Variants in LYNX1 observed in about 807,000 individuals in gnomAD.
LYNX1 encodes Ly6/neurotoxin 1.
LYNX1 carries 8 observed loss-of-function variants against 8.3 expected under a neutral mutation model. The ratio of observed to expected loss-of-function variants is 0.97; its 90% CI spans 0.57 to 1.74. The LOEUF (loss-of-function observed/expected upper bound fraction) is 1.74, where lower values mean the gene tolerates loss of function less well. LYNX1 is among the 40% of genes most tolerant of loss of function. LYNX1 has a pLI of 0.00. For synonymous variants in LYNX1, 73 were observed against 67.9 expected, an observed-to-expected ratio of 1.08 and a Z score of -0.37; for missense variants, 158 against 159.7, an observed-to-expected ratio of 0.99 and a Z score of 0.06.
chr8:142,774,712 G>GATA lies in LYNX1; in HGVS notation c.*454_*455insTAT. 1 of 1,006,986 alleles carries GATA rather than the reference G, an allele frequency of 9.9e-7. No individual in the cohort carries two copies. Among genetic ancestry groups the GATA allele is most frequent in the Non-Finnish European group, 1.2e-6 (1 of 843,330 alleles). 62.4% of individuals were successfully genotyped at this position (1,006,986 alleles called of 1,614,324 possible). On this transcript the variant is annotated 3_prime_UTR_variant, in exon 4 of 4. Coordinates refer to ENST00000652477, the MANE Select transcript of LYNX1 (RefSeq NM_177477.4). Reference sequence around the variant, plus strand: ...CTGGCCTCAGTAGGAAGCGTGACTAGGCCTGGAGGAGCCTTTCCTCCTAAG... The same window carrying GATA: ...CTGGCCTCAGTAGGAAGCGTGACTAGATAGCCTGGAGGAGCCTTTCCTCCTAAG...
At position 142,775,309 on chromosome 8, in the gene LYNX1, T is replaced by G. The variant is rs755248294; in HGVS notation, c.209A>C (p.Glu70Ala). The stretch of plus-strand genomic sequence containing the variant: ...CTTGGAGTAGCCATCATACACAGTC[T>G]CGAAGCAGCGGGGCACGCAGGACTT... ...VSKSCVPRCFETVYDGYSKHA... is the reference protein window; with the variant it reads ...VSKSCVPRCFATVYDGYSKHA... The change falls in exon 4 of 4, where the codon GAG becomes GCG. Residue 70 changes from glutamate (E) to alanine (A), a missense_variant. Transcript: ENST00000652477. 1.3e-5 allele frequency: 21 copies of G among 1,613,718 alleles called. No homozygotes were observed. The highest frequency in any genetic ancestry group is 1.2e-4 in the South Asian group (11 of 91,082).
At position 142,775,819 on chromosome 8, in the gene LYNX1, G is replaced by C. The variant is rs587675351; in HGVS notation, c.52+87C>G. 3.4e-4 allele frequency: 541 copies of C among 1,579,906 alleles called. 1 individual carries two copies. Among genetic ancestry groups the C allele is most frequent in the Non-Finnish European group, 4.2e-4 (485 of 1,152,572 alleles). On this transcript the variant is annotated intron_variant, in intron 2 of 3. Coordinates refer to ENST00000652477, the MANE Select transcript of LYNX1 (RefSeq NM_177477.4). ...CAGGGGGCTAGAAGGAGGGGTTGTCGCTGGGAATTCTAGCCTCCTTCCCTA... is the reference window on the plus strand; with the variant it reads ...CAGGGGGCTAGAAGGAGGGGTTGTCCCTGGGAATTCTAGCCTCCTTCCCTA...
At chr8:142,777,355 G>A (rs1366364839), upstream of LYNX1, 2 of 170,542 alleles carry the variant, frequency 1.2e-5, no homozygotes, top group African/African-American at 4.9e-5. Context: ...CCCGAGCCGA[G>A]CTCACCGCAG....
chr8:142,771,898 G>T lies in LYNX1; in HGVS notation c.*3269C>A. The T allele has an allele frequency of 5.1e-6, 5 of 985,974 alleles. No individual in the cohort carries two copies. The highest frequency in any genetic ancestry group is 6.0e-6 in the Non-Finnish European group (5 of 830,036). 61.1% of individuals were successfully genotyped at this position (985,974 alleles called of 1,614,324 possible). On this transcript the variant is annotated 3_prime_UTR_variant, in exon 4 of 4. Coordinates refer to ENST00000652477, the MANE Select transcript of LYNX1 (RefSeq NM_177477.4). ...AGGACAGACCAGAGCTCCTGCTGGA[G>T]CCGGGTGTCCCCATGCTGACCTGGC...
Position 142,775,938 on chromosome 8 carries a change from A to G in LYNX1, c.20T>C (p.Leu7Pro). The G allele has an allele frequency of 1.2e-6, 2 of 1,614,118 alleles. No homozygotes were observed. Among genetic ancestry groups the G allele is most frequent in the Non-Finnish European group, 1.7e-6 (2 of 1,180,016 alleles). Residue 7 changes from leucine (L) to proline (P), a missense_variant, in exon 2 of 4, where the codon CTG (leucine) becomes CCG (proline). Coordinates refer to ENST00000652477, the MANE Select transcript of LYNX1 (RefSeq NM_177477.4). MTPLLT[L>P]ILVVLMGLPL... ...TAAGCCCATGAGGACCACCAGGATC[A>G]GGGTGAGCAGGGGCGTCATGGCTGC...
At chr8:142,777,634 C>T, upstream of LYNX1, 1 of 395,608 alleles carries the variant, frequency 2.5e-6, no homozygotes, top group Non-Finnish European at 4.5e-6. Flanking sequence ...CAGGCCTCGG[C>T]CCGGACCCGT....
chr8:142,774,551 G>GGA lies in LYNX1; in HGVS notation c.*615_*616insTC. 1 of 985,716 alleles carries GGA rather than the reference G, an allele frequency of 1.0e-6. No individual in the cohort carries two copies. Among genetic ancestry groups the GGA allele is most frequent in the Non-Finnish European group, 1.2e-6 (1 of 830,170 alleles). The allele number at this position is 985,716 out of a possible 1,614,324, so 61.1% of individuals were successfully genotyped here. A position where few individuals can be genotyped will look rare whatever the true frequency, so the allele number is the denominator to read the frequency against. Reference sequence around the variant, plus strand: ...AGCTTCTGTGACTTCGGGGGCCCTGGGGCCTGCTGAGGCAGAGCCGCCCCC... The same window carrying GGA: ...AGCTTCTGTGACTTCGGGGGCCCTGGGAGGCCTGCTGAGGCAGAGCCGCCCCC... On this transcript the variant is annotated 3_prime_UTR_variant, in exon 4 of 4. Coordinates refer to ENST00000652477, the MANE Select transcript of LYNX1 (RefSeq NM_177477.4).
At position 142,772,485 on chromosome 8, in the gene LYNX1, G is replaced by A; in HGVS notation, c.*2682C>T. The A allele has an allele frequency of 2.0e-6, 2 of 985,494 alleles. No homozygotes were observed. The highest frequency in any genetic ancestry group is 2.4e-6 in the Non-Finnish European group (2 of 829,946). The allele number at this position is 985,494 out of a possible 1,614,324, so 61.0% of individuals were successfully genotyped here. ...GGGGTCCAAGGAACCCCAGCTGGTGGGAGAAGCGGCTGCACTGTGGTGCAG... is the reference window on the plus strand; with the variant it reads ...GGGGTCCAAGGAACCCCAGCTGGTGAGAGAAGCGGCTGCACTGTGGTGCAG... On this transcript the variant is annotated 3_prime_UTR_variant, in exon 4 of 4. Transcript: ENST00000652477.
At position 142,772,634 on chromosome 8, in the gene LYNX1, T is replaced by C; in HGVS notation, c.*2533A>G. 10 of 985,590 alleles carry C rather than the reference T, an allele frequency of 1.0e-5. No individual in the cohort carries two copies. Among genetic ancestry groups the C allele is most frequent in the Non-Finnish European group, 1.2e-5 (10 of 830,030 alleles). The allele number at this position is 985,590 out of a possible 1,614,324, so 61.1% of individuals were successfully genotyped here. A position where few individuals can be genotyped will look rare whatever the true frequency, so the allele number is the denominator to read the frequency against. On this transcript the variant is annotated 3_prime_UTR_variant, in exon 4 of 4. Transcript: ENST00000652477. The stretch of plus-strand genomic sequence containing the variant: ...CCATTGCCGGGCTGCTATACAGTGC[T>C]CAGGGCCACAGTGCAGTGGGGGGAC...
rs900695820 is a variant in LYNX1, at chr8:142,773,844, G to A, written c.*1323C>T. 19 of 985,312 alleles carry A rather than the reference G, an allele frequency of 1.9e-5. No individual in the cohort carries two copies. In the African/African-American group the frequency reaches 3.0e-4, roughly 15 times the overall value. 61.0% of individuals were successfully genotyped at this position (985,312 alleles called of 1,614,324 possible). A position where few individuals can be genotyped will look rare whatever the true frequency, so the allele number is the denominator to read the frequency against. ...AAGGGTTTCTCAGGACACCAGAGCT[G>A]GGAGCACTGGTCAGGTGGGGGCCTC... On this transcript the variant is annotated 3_prime_UTR_variant, in exon 4 of 4. Transcript: ENST00000652477.
chr8:142,775,306 G>T lies in LYNX1; in HGVS notation c.212C>A (p.Thr71Asn), dbSNP rs878949291. 5 of 1,613,914 alleles carry T rather than the reference G, an allele frequency of 3.1e-6. No homozygotes were observed. Among genetic ancestry groups the T allele is most frequent in the Non-Finnish European group, 3.4e-6 (4 of 1,180,002 alleles). Residue 71 changes from threonine (T) to asparagine (N), a missense_variant, in exon 4 of 4, where the codon ACT becomes AAT. By Grantham distance (65) the Thr-to-Asn change is moderately conservative. Transcript: ENST00000652477. ...GTGCTTGGAGTAGCCATCATACACA[G>T]TCTCGAAGCAGCGGGGCACGCAGGA... ...SKSCVPRCFE[T>N]VYDGYSKHAS...
At position 142,773,792 on chromosome 8, in the gene LYNX1, A is replaced by G. The variant is rs2130104249; in HGVS notation, c.*1375T>C. The G allele has an allele frequency of 1.0e-6, 1 of 985,228 alleles. No homozygotes were observed. The highest frequency in any genetic ancestry group is 4.7e-5 in the South Asian group (1 of 21,268). The allele number at this position is 985,228 out of a possible 1,614,324, so 61.0% of individuals were successfully genotyped here. The stretch of plus-strand genomic sequence containing the variant: ...GACAATCCTACCACATGGATATGTC[A>G]CCATCCTGCCCATGCGGGATGGCTT... On this transcript the variant is annotated 3_prime_UTR_variant, in exon 4 of 4. Transcript: ENST00000652477.
In LYNX1 at chr8:142,775,307, T is replaced by A. The variant is rs1168710533; in HGVS notation, c.211A>T (p.Thr71Ser). The A allele has an allele frequency of 1.2e-6, 2 of 1,613,874 alleles. No homozygotes were observed. The highest frequency in any genetic ancestry group is 1.7e-6 in the Non-Finnish European group (2 of 1,179,982). ...SKSCVPRCFE[T>S]VYDGYSKHAS... The stretch of plus-strand genomic sequence containing the variant: ...TGCTTGGAGTAGCCATCATACACAG[T>A]CTCGAAGCAGCGGGGCACGCAGGAC... Residue 71 changes from threonine (T) to serine (S), a missense_variant, in exon 4 of 4, where the codon ACT becomes TCT. By Grantham distance (58) the Thr-to-Ser change is moderately conservative. Transcript: ENST00000652477.
In LYNX1 at chr8:142,775,670, C is replaced by A. The variant is rs1360544385; in HGVS notation, c.77G>T (p.Cys26Phe). The change falls in exon 3 of 4, where the codon TGT becomes TTT. Residue 26 changes from cysteine to phenylalanine, a missense_variant. By Grantham distance (205) the Cys-to-Phe change is radical. Transcript: ENST00000652477. ...PLAQALDCHV[C>F]AYNGDNCFNP... ...GAAGCAGTTGTCTCCGTTGTAGGCA[C>A]ACACGTGGCAGTCCAAGGCCTGGGC... 1.2e-6 allele frequency: 2 copies of A among 1,601,748 alleles called. No homozygotes were observed. Among genetic ancestry groups the A allele is most frequent in the Non-Finnish European group, 1.7e-6 (2 of 1,174,286 alleles).
chr8:142,771,704 T>A lies in LYNX1; in HGVS notation c.*3463A>T. On this transcript the variant is annotated 3_prime_UTR_variant, in exon 4 of 4. Transcript: ENST00000652477. ...CCACCGAGGGCCTCTCTGCTTCTTT[T>A]GACCTTTTTCAGAGTTTCAGAGTTA... 1 of 985,862 alleles carries A rather than the reference T, an allele frequency of 1.0e-6. No homozygotes were observed. Among genetic ancestry groups the A allele is most frequent in the Non-Finnish European group, 1.2e-6 (1 of 829,960 alleles). 61.1% of individuals were successfully genotyped at this position (985,862 alleles called of 1,614,324 possible).
In LYNX1 at chr8:142,773,057, T is replaced by G. The variant is rs920362336; in HGVS notation, c.*2110A>C. 2.0e-5 allele frequency: 20 copies of G among 985,410 alleles called. No homozygotes were observed. The allele number at this position is 985,410 out of a possible 1,614,324, so 61.0% of individuals were successfully genotyped here. On this transcript the variant is annotated 3_prime_UTR_variant, in exon 4 of 4. Coordinates refer to ENST00000652477, the MANE Select transcript of LYNX1 (RefSeq NM_177477.4). ...ACTCGAGACAGGGAGGACCTGATCC[T>G]GGAGTCCCTCCCAGCCCTGGCTGAG...
chr8:142,777,389 G>A (rs1224991286), upstream of LYNX1: 2 of 32,672 alleles, frequency 6.1e-5, no homozygotes, highest in African/African-American at 1.7e-4. Context: ...CCCGCCTCCT[G>A]GGCTACTCAC....
At position 142,771,278 on chromosome 8, in the gene LYNX1, T is replaced by C; in HGVS notation, c.*3889A>G. The C allele has an allele frequency of 2.0e-6, 2 of 985,364 alleles. No individual in the cohort carries two copies. Among genetic ancestry groups the C allele is most frequent in the Non-Finnish European group, 2.4e-6 (2 of 829,936 alleles). The allele number at this position is 985,364 out of a possible 1,614,324, so 61.0% of individuals were successfully genotyped here. Reference sequence around the variant, plus strand: ...TTAGGGTAAGGGTTAGGGCAAGCATTAGCAGCAGGGGCATGGCCCTGGGAA... The same window carrying C: ...TTAGGGTAAGGGTTAGGGCAAGCATCAGCAGCAGGGGCATGGCCCTGGGAA... On this transcript the variant is annotated 3_prime_UTR_variant, in exon 4 of 4. Coordinates refer to ENST00000652477, the MANE Select transcript of LYNX1 (RefSeq NM_177477.4).
In LYNX1 at chr8:142,775,904, A is replaced by G; in HGVS notation, c.52+2T>C. On this transcript the variant is annotated splice_donor_variant, in intron 2 of 3. Transcript: ENST00000652477. LOFTEE classifies it high-confidence loss of function. Reference sequence around the variant, plus strand: ...CATCCCTCTGTCCTTTGTCCATCTTACCCAGAGGTAAGCCCATGAGGACCA... The same window carrying G: ...CATCCCTCTGTCCTTTGTCCATCTTGCCCAGAGGTAAGCCCATGAGGACCA... 1 of 1,614,022 alleles carries G rather than the reference A, an allele frequency of 6.2e-7. No individual in the cohort carries two copies. The highest frequency in any genetic ancestry group is 8.5e-7 in the Non-Finnish European group (1 of 1,179,992).
Sources: allele counts gnomAD v4.1 joint callset, GRCh38; gene constraint gnomAD v4.1.1; transcripts MANE v1.5; gene names NCBI Gene and HGNC (gene_info 2026-07-23, HGNC 2026-07-21).